Variants in FAM53B observed in about 807,000 individuals in gnomAD.
The protein encoded by FAM53B is protein FAM53B.
FAM53B carries 12 observed loss-of-function variants against 32.7 expected under a neutral mutation model. The ratio of observed to expected loss-of-function variants is 0.37; its 90% CI spans 0.24 to 0.59. The LOEUF (loss-of-function observed/expected upper bound fraction) is 0.59. FAM53B is among the 20% of genes least tolerant of loss of function. The pLI, the probability that FAM53B is intolerant of heterozygous loss-of-function variation, is 0.72. For missense variants in FAM53B, 477 were observed against 577.7 expected (o/e 0.83, Z 1.79); for synonymous variants, 234 against 228.7 (o/e 1.02, Z -0.21).
intron 4 of FAM53B, among the ~76,000 whole-genome samples, chr10:124,678,455 A>G (rs1949750100): frequency 6.6e-6 from 1 of 152,186 alleles, no homozygotes; most frequent in South Asian, 2.1e-4. Flanking sequence ...CATCTGCTGC[A>G]CAGACATGTC....
At chr10:124,710,650 TC>T (rs1949995485) in intron 1 of FAM53B, among the ~76,000 whole-genome samples, 1 of 152,168 alleles carries the variant, frequency 6.6e-6, no homozygotes, top group Non-Finnish European at 1.5e-5. Context: ...CGCAAAGCCC[TC>T]CCACAGGCCA....
At chr10:124,720,606 T>C (rs1215581240) in intron 1 of FAM53B, among the ~76,000 whole-genome samples, 5 of 152,204 alleles carry the variant, frequency 3.3e-5, no homozygotes, top group African/African-American at 9.7e-5. Context: ...CAGTTTCCAG[T>C]GTGCTGGATG....
At chr10:124,717,624 C>T (rs560278694) in intron 1 of FAM53B, among the ~76,000 whole-genome samples, 57 of 152,272 alleles carry the variant, frequency 3.7e-4, no homozygotes, top group Admixed American at 7.8e-4. Flanking sequence ...ACCGAGGTAG[C>T]GGGGAGGTGG....
At chr10:124,696,305 G>C in intron 2 of FAM53B, 93 bp from the exon 3 acceptor site, 1 of 1,083,508 alleles carries the variant, frequency 9.2e-7, no homozygotes. Flanking sequence ...ACAATAAAAG[G>C]GTGACTGTCC....
intron 4 of FAM53B, among the ~76,000 whole-genome samples, chr10:124,627,134 TG>T (rs1428286156): frequency 6.6e-6 from 1 of 152,242 alleles, no homozygotes; most frequent in Non-Finnish European, 1.5e-5. Flanking sequence ...ACCCACTGTT[TG>T]CCCCAGCTGG....
chr10:124,638,712 C>A (rs1217646827), intron 4 of FAM53B, among the ~76,000 whole-genome samples: 1 of 152,242 alleles, frequency 6.6e-6, no homozygotes. Flanking sequence ...GGAGGCCATG[C>A]TGGCCCTCGC....
intron 4 of FAM53B, among the ~76,000 whole-genome samples, chr10:124,656,360 G>A (rs765714465): frequency 3.9e-5 from 6 of 152,250 alleles, no homozygotes; most frequent in Non-Finnish European, 8.8e-5. Context: ...TAGTGGGAGC[G>A]CAGGTGTTCC....
At chr10:124,642,760 T>C (rs992454733) in intron 4 of FAM53B, among the ~76,000 whole-genome samples, 3 of 152,200 alleles carry the variant, frequency 2.0e-5, no homozygotes, top group African/African-American at 7.2e-5. Context: ...TAAAATTAAA[T>C]AGGAGCCAAG....
chr10:124,710,014 T>G (rs1949989884), intron 1 of FAM53B, among the ~76,000 whole-genome samples: 1 of 152,122 alleles, frequency 6.6e-6, no homozygotes, highest in Non-Finnish European at 1.5e-5. Flanking sequence ...CAAGATTTCA[T>G]CAGGAAGGGC....
At chr10:124,647,764 C>T (rs1240450179) in intron 4 of FAM53B, among the ~76,000 whole-genome samples, 1 of 152,168 alleles carries the variant, frequency 6.6e-6, no homozygotes, top group African/African-American at 2.4e-5. Context: ...GAGGGCAGAC[C>T]CAAGATGGCT....
intron 1 of FAM53B, among the ~76,000 whole-genome samples, chr10:124,720,053 C>CT (rs1950059746): frequency 6.6e-6 from 1 of 151,688 alleles, no homozygotes; most frequent in East Asian, 1.9e-4. Flanking sequence ...ATCCCAGCTA[C>CT]TTGGGAGGCT....
chr10:124,624,717 C>T (rs1419830067), intron 4 of FAM53B, among the ~76,000 whole-genome samples: 3 of 150,700 alleles, frequency 2.0e-5, no homozygotes, highest in East Asian at 1.9e-4. Context: ...CAGCTGCCAG[C>T]GATGGGGGTA....
chr10:124,672,241 C>T (rs1949711247), intron 4 of FAM53B, among the ~76,000 whole-genome samples: 3 of 152,358 alleles, frequency 2.0e-5, no homozygotes, highest in South Asian at 4.1e-4. Flanking sequence ...GGCACAGCTC[C>T]GTCTCCATCC....
intron 4 of FAM53B, among the ~76,000 whole-genome samples, chr10:124,654,480 C>T (rs1267218314): frequency 1.3e-5 from 2 of 151,836 alleles, no homozygotes; most frequent in East Asian, 3.9e-4. Flanking sequence ...GGTCTGCAGT[C>T]ATGCGGATGG....
intron 4 of FAM53B, among the ~76,000 whole-genome samples, chr10:124,656,553 C>T (rs935317055): frequency 6.6e-6 from 1 of 152,216 alleles, no homozygotes; most frequent in Non-Finnish European, 1.5e-5. Flanking sequence ...GACTGTTGTT[C>T]ACGGACAGGC....
chr10:124,692,446 G>A (rs1421713206), intron 3 of FAM53B, among the ~76,000 whole-genome samples: 3 of 152,146 alleles, frequency 2.0e-5, no homozygotes, highest in African/African-American at 4.8e-5. Flanking sequence ...CAGGCGCGGT[G>A]GCTCATGCCT....
Position 124,651,931 on chromosome 10 carries a change from C to A in FAM53B, c.907-28327G>T, listed in dbSNP as rs535158226. On this transcript the variant is annotated intron_variant, in intron 4 of 4. Coordinates refer to ENST00000337318, the MANE Select transcript of FAM53B (RefSeq NM_014661.4). The surrounding 1 kb of genome is among the most constrained non-coding windows in gnomAD (Gnocchi z 5.2). ...CTTTATTTGTCCCCCATCTGTGAAG[C>A]ATCTGTGGTCCACCAGGTGCTCTCC... 6.6e-6 allele frequency among the ~76,000 whole-genome samples: 1 copy of A among 152,330 alleles called. No homozygotes were observed. Among genetic ancestry groups the A allele is most frequent in the African/African-American group, 2.4e-5 (1 of 41,582 alleles).
intron 2 of FAM53B, among the ~76,000 whole-genome samples, chr10:124,702,050 G>A (rs1395270390): frequency 6.6e-6 from 1 of 152,140 alleles, no homozygotes; most frequent in Non-Finnish European, 1.5e-5. Flanking sequence ...CCAGGGTTGC[G>A]AGGACCCTGG....
At chr10:124,662,903 G>C (rs1240304569) in intron 4 of FAM53B, among the ~76,000 whole-genome samples, 1 of 152,192 alleles carries the variant, frequency 6.6e-6, no homozygotes, top group African/African-American at 2.4e-5. Flanking sequence ...TACAGGCCCT[G>C]GCCTCAAGGG....
Sources: gnomAD v4.1 joint callset for allele counts (sites outside exome capture counted in the v4.1 genomes callset) on GRCh38, gnomAD v4.1.1 for gene constraint, Gnocchi (gnomAD v3.1) non-coding constraint, MANE v1.5 for transcripts, NCBI Gene and HGNC (gene_info 2026-07-23, HGNC 2026-07-21) for gene names.